Variants in CLDN14 observed in about 807,000 individuals in gnomAD.
The protein encoded by CLDN14 is claudin 14.
CLDN14 carries 2 observed loss-of-function variants against 2.1 expected under a neutral mutation model. The observed-to-expected ratio is 0.96, with a 90% CI of 0.39 to 3.01. The LOEUF is 3.01. Among genes scored for constraint, CLDN14 ranks in the 30% most tolerant of loss-of-function variants. CLDN14 has a pLI of 0.09. For synonymous variants in CLDN14, 136 were observed against 154.4 expected, an observed-to-expected ratio of 0.88 and a Z score of 0.88; for missense variants, 298 against 328.0, an observed-to-expected ratio of 0.91 and a Z score of 0.71.
chr21:36,471,987 A>G (rs2086716068), intron 1 of CLDN14, among the ~76,000 whole-genome samples: 1 of 152,236 alleles, frequency 6.6e-6, no homozygotes, highest in South Asian at 2.1e-4. Context: ...TAAGAGTAAA[A>G]ACAGTCATAG....
chr21:36,472,599 G>A (rs1312216201), intron 1 of CLDN14, among the ~76,000 whole-genome samples: 1 of 152,160 alleles, frequency 6.6e-6, no homozygotes, highest in Non-Finnish European at 1.5e-5. Flanking sequence ...AGGCCAGACT[G>A]GAACCAGAAA....
intron 1 of CLDN14, among the ~76,000 whole-genome samples, chr21:36,555,626 C>A (rs1352126502): frequency 1.3e-5 from 2 of 152,084 alleles, no homozygotes; most frequent in South Asian, 2.1e-4. Context: ...TCATTATGAC[C>A]CCATGGGCTC....
upstream of CLDN14, among the ~76,000 whole-genome samples, chr21:36,482,342 ATGGATG>A: frequency 2.0e-5 from 3 of 149,892 alleles, no homozygotes; most frequent in African/African-American, 7.4e-5. Context: ...GGATGGATGG[ATGGATG>A]GATGGATGGA....
rs1399944739 is a variant in CLDN14, at chr21:36,461,674, G to A, written c.22C>T (p.Leu8Phe). MASTAVQLLGFLLSFLGM... is the reference protein window; with the variant it reads MASTAVQFLGFLLSFLGM... The stretch of plus-strand genomic sequence containing the variant: ...AGGAAGCTGAGCAGGAAGCCCAGAA[G>A]CTGCACGGCCGTGCTGGCCATGGTG... Residue 8 changes from leucine to phenylalanine, a missense_variant, in exon 2 of 2, where the codon CTT becomes TTT. Coordinates refer to ENST00000399135, the MANE Select transcript of CLDN14 (RefSeq NM_001146079.2). 4.5e-6 allele frequency: 7 copies of A among 1,555,802 alleles called. No individual in the cohort carries two copies. Among genetic ancestry groups the A allele is most frequent in the Non-Finnish European group, 5.2e-6 (6 of 1,150,366 alleles).
At chr21:36,465,884 T>C (rs1455380835) in intron 1 of CLDN14, among the ~76,000 whole-genome samples, 2 of 152,098 alleles carry the variant, frequency 1.3e-5, no homozygotes, top group Admixed American at 1.3e-4. Context: ...TCTAACAAGA[T>C]GTGTTAGAGG....
At chr21:36,571,175 G>T (rs1006581759) in intron 1 of CLDN14, among the ~76,000 whole-genome samples, 3 of 152,222 alleles carry the variant, frequency 2.0e-5, no homozygotes, top group Non-Finnish European at 2.9e-5. Flanking sequence ...TAATGACACT[G>T]TGTAGAAAGC....
chr21:36,568,302 T>C (rs1219799775), intron 1 of CLDN14, among the ~76,000 whole-genome samples: 1 of 152,144 alleles, frequency 6.6e-6, no homozygotes, highest in Non-Finnish European at 1.5e-5. Context: ...AAGAAAGCCT[T>C]CCTTGCCCCA....
intron 1 of CLDN14, among the ~76,000 whole-genome samples, chr21:36,523,222 T>G (rs1366624527): frequency 6.6e-6 from 1 of 152,224 alleles, no homozygotes; most frequent in Non-Finnish European, 1.5e-5. Flanking sequence ...GCTGGTTTCA[T>G]GCACCTGTGC....
At chr21:36,521,644 G>A (rs1286084107) in intron 1 of CLDN14, among the ~76,000 whole-genome samples, 1 of 152,176 alleles carries the variant, frequency 6.6e-6, no homozygotes, top group Non-Finnish European at 1.5e-5. Context: ...GTGGGCAGAT[G>A]TCTGTCTTGG....
chr21:36,505,012 T>C (rs564450415), intron 2 of CLDN14, among the ~76,000 whole-genome samples: 1 of 152,290 alleles, frequency 6.6e-6, no homozygotes, highest in Non-Finnish European at 1.5e-5. Flanking sequence ...TTTTCCCTGC[T>C]GGGTGAGAAT....
intron 1 of CLDN14, among the ~76,000 whole-genome samples, chr21:36,571,098 C>T (rs1049981880): frequency 1.7e-4 from 26 of 152,242 alleles, no homozygotes; most frequent in Admixed American, 1.6e-3. Context: ...CCTCAGCCTC[C>T]GAAAGTGCTG....
chr21:36,507,522 G>A (rs749020586), intron 2 of CLDN14, among the ~76,000 whole-genome samples: 3 of 152,198 alleles, frequency 2.0e-5, no homozygotes, highest in Non-Finnish European at 2.9e-5. Flanking sequence ...CCAGCACTTC[G>A]AAAGGCCAAG....
chr21:36,566,417 C>G (rs766162121), intron 1 of CLDN14, among the ~76,000 whole-genome samples: 1 of 152,176 alleles, frequency 6.6e-6, no homozygotes, highest in Non-Finnish European at 1.5e-5. Flanking sequence ...TCACCCAGCC[C>G]TATGAATGCA....
intron 2 of CLDN14, among the ~76,000 whole-genome samples, chr21:36,503,451 C>T (rs561864363): frequency 6.6e-6 from 1 of 152,312 alleles, no homozygotes; most frequent in East Asian, 1.9e-4. Flanking sequence ...GGGGCCAGAT[C>T]TTTCTCACGT....
rs529257970 is a variant in CLDN14 at position 36,498,821 on chromosome 21, G to A, written c.-82+11542C>T. ...TGCCTGGACACCATCAGCCCTGCAC[G>A]AAGGTGGCCGCTGAGGGGCCCTCAT... On this transcript the variant is annotated intron_variant, in intron 2 of 2. Transcript: ENST00000342108. The surrounding 1 kb of genome is among the most constrained non-coding windows in gnomAD (Gnocchi z 4.9). Among the ~76,000 whole-genome samples the A allele has an allele frequency of 6.6e-6, 1 of 152,292 alleles. No homozygotes were observed. Among genetic ancestry groups the A allele is most frequent in the South Asian group, 2.1e-4 (1 of 4,824 alleles).
Position 36,461,555 on chromosome 21 carries a change from C to T in CLDN14, c.141G>A (p.Leu47=). The T allele has an allele frequency of 6.2e-7, 1 of 1,613,320 alleles. No individual in the cohort carries two copies. The highest frequency in any genetic ancestry group is 8.5e-7 in the Non-Finnish European group (1 of 1,179,944). Residue 47 remains leucine (L), a synonymous_variant, in exon 2 of 2, where the codon CTG becomes CTA. Transcript: ENST00000399135. ...GTNILTAVSY[L]KGLWMECVWH... Reference sequence around the variant, plus strand: ...ACACACACTCCATCCAGAGCCCTTTCAGGTAGGACACGGCCGTGAGGATGT... The same window carrying T: ...ACACACACTCCATCCAGAGCCCTTTTAGGTAGGACACGGCCGTGAGGATGT...
chr21:36,505,802 C>G (rs2087127129), intron 2 of CLDN14, among the ~76,000 whole-genome samples: 1 of 152,190 alleles, frequency 6.6e-6, no homozygotes, highest in African/African-American at 2.4e-5. Flanking sequence ...TAACCCCTTC[C>G]TGGTTTGATC....
At chr21:36,549,509 G>A (rs1023334674) in intron 1 of CLDN14, among the ~76,000 whole-genome samples, 2 of 152,264 alleles carry the variant, frequency 1.3e-5, no homozygotes, top group African/African-American at 4.8e-5. Context: ...AGAGGCCCTG[G>A]AAGGCATTAT....
At chr21:36,462,892 T>C (rs2086596480) in intron 1 of CLDN14, among the ~76,000 whole-genome samples, 1 of 149,878 alleles carries the variant, frequency 6.7e-6, no homozygotes, top group African/African-American at 2.5e-5. Context: ...CACTTCATCC[T>C]GGGCGACAGA....
Sources: allele counts gnomAD v4.1 joint callset (sites outside exome capture counted in the v4.1 genomes callset), GRCh38; gene constraint gnomAD v4.1.1; non-coding constraint Gnocchi (gnomAD v3.1); transcripts MANE v1.5; gene names NCBI Gene and HGNC (gene_info 2026-07-23, HGNC 2026-07-21).